The following TAPBP variants were observed in gnomAD, a reference collection of about 807,000 sequenced individuals.
The protein encoded by TAPBP is tapasin.
TAPBP carries 38 observed loss-of-function variants against 45.7 expected under a neutral mutation model. The ratio of observed to expected loss-of-function variants is 0.83; its 90% CI spans 0.64 to 1.09. TAPBP has a LOEUF of 1.09. Among genes scored for constraint, TAPBP ranks in the 50% least tolerant of loss-of-function variants. TAPBP has a pLI of 0.00. For missense variants in TAPBP, 513 were observed against 587.3 expected, an observed-to-expected ratio of 0.87 and a Z score of 1.31; for synonymous variants, 226 against 254.8, an observed-to-expected ratio of 0.89 and a Z score of 1.08.
chr6:33,312,999 A>C (rs1438009623), intron 3 of TAPBP: 115 of 412,814 alleles, frequency 2.8e-4, no homozygotes, highest in Middle Eastern at 6.0e-4. Flanking sequence ...ACCCCCTGCC[A>C]AGCTGCAGTT....
chr6:33,312,994 C>T, intron 3 of TAPBP: 1 of 466,690 alleles, frequency 2.1e-6, no homozygotes, highest in Non-Finnish European at 3.6e-6. Flanking sequence ...CCCCTACCCC[C>T]TGCCAAGCTG....
intron 3 of TAPBP, chr6:33,308,006 A>G (rs1769087017): frequency 6.5e-6 from 1 of 152,696 alleles, no homozygotes; most frequent in East Asian, 1.9e-4. Flanking sequence ...ACCTTTGCCT[A>G]TCTTTTAAAA....
rs1271091182 is a variant in TAPBP, at chr6:33,313,086, C to T, written c.469+131G>A. ...GATTGATTCATTCTAGCCAAACCAC[C>T]TCTCTTAACAAAAAAAGGAAACTGA... On this transcript the variant is annotated intron_variant, in intron 3 of 7. Transcript: ENST00000434618. The surrounding 1 kb of genome is among the most constrained non-coding windows in gnomAD (Gnocchi z 7.2). The T allele has an allele frequency of 7.6e-6, 8 of 1,059,478 alleles. No individual in the cohort carries two copies. Among genetic ancestry groups the T allele is most frequent in the East Asian group, 4.8e-5 (2 of 41,558 alleles). 65.6% of individuals were successfully genotyped at this position (1,059,478 alleles called of 1,614,324 possible).
Position 33,313,455 on chromosome 6 carries a change from A to G in TAPBP, c.231T>C (p.Ala77=). Residue 77 remains alanine (A), a synonymous_variant, in exon 3 of 8, where the codon GCT becomes GCC. Transcript: ENST00000434618. The surrounding 1 kb of genome is among the most constrained non-coding windows in gnomAD (Gnocchi z 7.2). ...SVHDPAGALQ[A]AFRRYPRGAP... is the part of the protein sequence containing the mutation. The stretch of plus-strand genomic sequence containing the variant: ...CGCCCCGGGGATACCGCCTGAAGGC[A>G]GCCTGGAGGGCGCCCGCGGGGTCTG... The G allele has an allele frequency of 6.3e-7, 1 of 1,584,130 alleles. No homozygotes were observed. Among genetic ancestry groups the G allele is most frequent in the South Asian group, 1.1e-5 (1 of 88,862 alleles).
In TAPBP at chr6:33,313,853, C is replaced by G; in HGVS notation, c.49G>C (p.Ala17Pro). ...LLAVALGLAT[A>P]VSAGPAVIEC... The stretch of plus-strand genomic sequence containing the variant: ...ATCACCGCGGGTCCTGCTGAGACGG[C>G]GGTCGCCAGGCCTGGCGTATAGGGA... The change falls in exon 2 of 8, where the codon GCC (alanine) becomes CCC (proline). Residue 17 changes from alanine (A) to proline (P), a missense_variant. Transcript: ENST00000434618. The surrounding 1 kb of genome is among the most constrained non-coding windows in gnomAD (Gnocchi z 7.2). 2.5e-6 allele frequency: 4 copies of G among 1,613,596 alleles called. No individual in the cohort carries two copies. Among genetic ancestry groups the G allele is most frequent in the Non-Finnish European group, 3.4e-6 (4 of 1,179,994 alleles).
chr6:33,305,358 C>A lies in TAPBP; in HGVS notation c.499G>T (p.Ala167Ser), dbSNP rs766625576. 1 of 1,535,000 alleles carries A rather than the reference C, an allele frequency of 6.5e-7. No homozygotes were observed. Among genetic ancestry groups the A allele is most frequent in the Non-Finnish European group, 8.8e-7 (1 of 1,142,762 alleles). Residue 167 changes from alanine (A) to serine (S), a missense_variant, in exon 4 of 8, where the codon GCC becomes TCC. Physicochemically the swap from Ala to Ser is moderately conservative, Grantham distance 99 (BLOSUM62 1). Coordinates refer to ENST00000434618, the MANE Select transcript of TAPBP (RefSeq NM_003190.5). The surrounding 1 kb of genome is among the most constrained non-coding windows in gnomAD (Gnocchi z 4.4). ...TCTTGTCCCAGTCTCACTCGAGGGG[C>A]AGGGGTGTGGGTGAGGACAGTCAGT... Reference protein sequence around the residue: ...VVLTVLTHTPAPRVRLGQDAL... With the variant: ...VVLTVLTHTPSPRVRLGQDAL...
At chr6:33,303,579 A>G in intron 7 of TAPBP, 1 of 728,032 alleles carries the variant, frequency 1.4e-6, no homozygotes, top group Non-Finnish European at 2.2e-6. Flanking sequence ...TTCTGACCCA[A>G]GCATTTCAGA....
Position 33,305,470 on chromosome 6 carries a change from G to A in TAPBP, c.470-83C>T. The A allele has an allele frequency of 7.1e-7, 1 of 1,402,798 alleles. No homozygotes were observed. The highest frequency in any genetic ancestry group is 9.5e-7 in the Non-Finnish European group (1 of 1,055,906). 86.9% of individuals were successfully genotyped at this position (1,402,798 alleles called of 1,614,324 possible). A position where few individuals can be genotyped will look rare whatever the true frequency, so the allele number is the denominator to read the frequency against. ...AAAAAAATAGAGAAATGCAGTTATT[G>A]GGGAGGGCTAAACTGCAGTTTACCC... is the stretch of plus-strand genomic sequence containing the variant. On this transcript the variant is annotated intron_variant, in intron 3 of 7. Coordinates refer to ENST00000434618, the MANE Select transcript of TAPBP (RefSeq NM_003190.5). The surrounding 1 kb of genome is among the most constrained non-coding windows in gnomAD (Gnocchi z 4.4).
rs767312499 is a variant in TAPBP, at chr6:33,313,858, G to C, written c.44C>G (p.Ala15Gly). The C allele has an allele frequency of 1.2e-6, 2 of 1,613,592 alleles. No individual in the cohort carries two copies. Among genetic ancestry groups the C allele is most frequent in the East Asian group, 2.2e-5 (1 of 44,860 alleles). Residue 15 changes from alanine to glycine, a missense_variant, in exon 2 of 8, where the codon GCG becomes GGG. Transcript: ENST00000434618. The surrounding 1 kb of genome is among the most constrained non-coding windows in gnomAD (Gnocchi z 7.2). ...SLLLAVALGL[A>G]TAVSAGPAVI... is the part of the protein sequence containing the mutation. ...CGCGGGTCCTGCTGAGACGGCGGTCGCCAGGCCTGGCGTATAGGGACGCGA... is the reference window on the plus strand; with the variant it reads ...CGCGGGTCCTGCTGAGACGGCGGTCCCCAGGCCTGGCGTATAGGGACGCGA...
chr6:33,303,533 T>G, intron 7 of TAPBP: 1 of 564,682 alleles, frequency 1.8e-6, no homozygotes, highest in Non-Finnish European at 3.1e-6. Flanking sequence ...TATGCAAATA[T>G]TCCAAAGTCT....
In TAPBP at chr6:33,304,737, G is replaced by A. The variant is rs1768844292; in HGVS notation, c.869-99C>T. On this transcript the variant is annotated intron_variant, in intron 4 of 7. Transcript: ENST00000434618. ...TGCTGGCTTCCTCAGAACTAAAGAA[G>A]GTTAGGTTTCTTCTCCTGAAATAGG... is the stretch of plus-strand genomic sequence containing the variant. 4.3e-6 allele frequency: 6 copies of A among 1,397,442 alleles called. No homozygotes were observed. In the Admixed American group the frequency reaches 7.2e-5, roughly 17 times the overall value. 86.6% of individuals were successfully genotyped at this position (1,397,442 alleles called of 1,614,324 possible).
chr6:33,313,303 A>T lies in TAPBP; in HGVS notation c.383T>A (p.Ile128Lys). ...ALDGAWLMVS[I>K]SSPVLSLSSL... ...GGAGAGGCTGAGGACTGGGCTGGAT[A>T]TGCTGACCATCAGCCAAGCCCCATC... is the stretch of plus-strand genomic sequence containing the variant. Residue 128 changes from isoleucine to lysine, a missense_variant, in exon 3 of 8, where the codon ATA (isoleucine) becomes AAA (lysine). Coordinates refer to ENST00000434618, the MANE Select transcript of TAPBP (RefSeq NM_003190.5). This position sits in a 1 kb window ranked among gnomAD's most constrained non-coding sequence, Gnocchi z 7.2. The T allele has an allele frequency of 1.2e-6, 2 of 1,613,676 alleles. No homozygotes were observed. The highest frequency in any genetic ancestry group is 8.5e-7 in the Non-Finnish European group (1 of 1,179,932).
In TAPBP at chr6:33,313,244, C is replaced by G; in HGVS notation, c.442G>C (p.Glu148Gln). 1 of 1,614,056 alleles carries G rather than the reference C, an allele frequency of 6.2e-7. No homozygotes were observed. Reference protein sequence around the residue: ...LLRPQPEPQQEPVLITMATVV... With the variant: ...LLRPQPEPQQQPVLITMATVV... ...GTTGCCATGGTGATGAGAACAGGCT[C>G]CTGCTGAGGCTCTGGCTGTGGTCGC... Residue 148 changes from glutamate (E) to glutamine (Q), a missense_variant, in exon 3 of 8, where the codon GAG becomes CAG. Transcript: ENST00000434618. The surrounding 1 kb of genome is among the most constrained non-coding windows in gnomAD (Gnocchi z 7.2).
At chr6:33,307,497 G>A (rs113601281) in intron 3 of TAPBP, among the ~76,000 whole-genome samples, 6,539 of 146,790 alleles carry the variant, frequency 0.045, 488 homozygotes, top group African/African-American at 0.15. Flanking sequence ...TGCCTCCCAG[G>A]TTCAAGTGAG....
chr6:33,309,274 G>T (rs1769176286), intron 3 of TAPBP, among the ~76,000 whole-genome samples: 1 of 151,908 alleles, frequency 6.6e-6, no homozygotes, highest in Admixed American at 6.6e-5. Flanking sequence ...AATCACAGCT[G>T]CTTGGGAAGC....
Position 33,301,433 on chromosome 6 carries a change from G to T in TAPBP, c.*327C>A. 6.0e-6 allele frequency: 2 copies of T among 333,854 alleles called. No homozygotes were observed. The allele number at this position is 333,854 out of a possible 1,614,324, so 20.7% of individuals were successfully genotyped here. A position where few individuals can be genotyped will look rare whatever the true frequency, so the allele number is the denominator to read the frequency against. ...TACTAAAAATACAAAAATTCACTGG[G>T]TGTGGTGGCATGTGCCTGTAATCCC... On this transcript the variant is annotated 3_prime_UTR_variant, in exon 8 of 8. Coordinates refer to ENST00000434618, the MANE Select transcript of TAPBP (RefSeq NM_003190.5).
At chr6:33,308,734 C>CA (rs1195124568) in intron 3 of TAPBP, among the ~76,000 whole-genome samples, 1 of 149,892 alleles carries the variant, frequency 6.7e-6, no homozygotes, top group African/African-American at 2.5e-5. Flanking sequence ...GATTTTTTCA[C>CA]ATTTTTTTTT....
At position 33,304,490 on chromosome 6, in the gene TAPBP, G is replaced by C; in HGVS notation, c.1017C>G (p.Arg339=). ...EWELRGGPGG[R]SQKAEGQRWL... The stretch of plus-strand genomic sequence containing the variant: ...ACCTCTGCCCCTCGGCCTTCTGAGA[G>C]CGGCCCCCTGGGCCACCCCGGAGTT... The change falls in exon 5 of 8, where the codon CGC becomes CGG. Residue 339 remains arginine, a synonymous_variant. Transcript: ENST00000434618. 1 of 1,613,180 alleles carries C rather than the reference G, an allele frequency of 6.2e-7. No homozygotes were observed. The highest frequency in any genetic ancestry group is 1.1e-5 in the South Asian group (1 of 90,948).
intron 4 of TAPBP, 45 bp from the exon 5 acceptor site, chr6:33,304,683 TGTC>T: frequency 6.6e-7 from 1 of 1,509,576 alleles, no homozygotes; most frequent in Non-Finnish European, 8.8e-7. Context: ...CAGTCCATAC[TGTC>T]CTCCCTAAGA....
Sources: allele counts gnomAD v4.1 joint callset (sites outside exome capture counted in the v4.1 genomes callset), GRCh38; gene constraint gnomAD v4.1.1; non-coding constraint Gnocchi (gnomAD v3.1); transcripts MANE v1.5; gene names NCBI Gene and HGNC (gene_info 2026-07-23, HGNC 2026-07-21).